Variants in HS6ST3 observed in about 807,000 individuals in gnomAD.
HS6ST3 encodes heparan-sulfate 6-O-sulfotransferase 3.
Under a neutral mutation model 36.7 loss-of-function variants are expected in HS6ST3, and 12 were observed. The ratio of observed to expected loss-of-function variants is 0.33; its 90% CI spans 0.21 to 0.53. HS6ST3 has a LOEUF of 0.53. Among genes scored for constraint, HS6ST3 ranks in the 20% least tolerant of loss-of-function variants. HS6ST3 has a pLI of 0.95. For missense variants in HS6ST3, 584 were observed against 640.9 expected, an observed-to-expected ratio of 0.91 and a Z score of 0.96; for synonymous variants, 240 against 257.5, an observed-to-expected ratio of 0.93 and a Z score of 0.65.
chr13:96,614,747 ATTTTC>A (rs1347044769), intron 1 of HS6ST3, among the ~76,000 whole-genome samples: 2 of 152,076 alleles, frequency 1.3e-5, no homozygotes, highest in African/African-American at 4.8e-5. Context: ...TTAAAAATAT[ATTTTC>A]TTTTAATTAT....
chr13:96,474,318 A>G (rs2055853090), intron 1 of HS6ST3, among the ~76,000 whole-genome samples: 1 of 152,164 alleles, frequency 6.6e-6, no homozygotes, highest in African/African-American at 2.4e-5. Flanking sequence ...GAAGCTTGGG[A>G]AAGGTGACGA....
At chr13:96,532,575 T>C (rs2056139924) in intron 1 of HS6ST3, among the ~76,000 whole-genome samples, 1 of 152,182 alleles carries the variant, frequency 6.6e-6, no homozygotes, top group African/African-American at 2.4e-5. Flanking sequence ...TGACCTGAAC[T>C]TCAGGAAGTA....
At chr13:96,807,407 G>T (rs575647314) in intron 1 of HS6ST3, among the ~76,000 whole-genome samples, 1 of 152,232 alleles carries the variant, frequency 6.6e-6, no homozygotes, top group African/African-American at 2.4e-5. Context: ...CCAGAGTAGG[G>T]TGTGCCCCCT....
chr13:96,613,847 G>A (rs1345711916), intron 1 of HS6ST3, among the ~76,000 whole-genome samples: 1 of 152,100 alleles, frequency 6.6e-6, no homozygotes, highest in Non-Finnish European at 1.5e-5. Context: ...ATTGCACTGT[G>A]GGAAATAGTC....
At chr13:96,182,667 T>C (rs914675028) in intron 1 of HS6ST3, among the ~76,000 whole-genome samples, 1 of 152,218 alleles carries the variant, frequency 6.6e-6, no homozygotes, top group Non-Finnish European at 1.5e-5. Flanking sequence ...TTCTTTGCAA[T>C]TGGCAGCAGA....
intron 1 of HS6ST3, among the ~76,000 whole-genome samples, chr13:96,482,213 T>C (rs1352822293): frequency 6.6e-6 from 1 of 152,182 alleles, no homozygotes; most frequent in East Asian, 1.9e-4. Context: ...TGATATTTAC[T>C]AGTTACCTAT....
intron 1 of HS6ST3, among the ~76,000 whole-genome samples, chr13:96,138,999 A>G (rs2054016289): frequency 6.6e-6 from 1 of 152,146 alleles, no homozygotes; most frequent in African/African-American, 2.4e-5. Context: ...AGAATACATT[A>G]TTTTATAATC....
chr13:96,698,301 T>A (rs528230949), intron 1 of HS6ST3, among the ~76,000 whole-genome samples: 56 of 152,296 alleles, frequency 3.7e-4, no homozygotes, highest in South Asian at 1.0e-3. Flanking sequence ...TGGTGTTTGT[T>A]TTTTTGTCCT....
chr13:96,469,895 C>G (rs905045835), intron 1 of HS6ST3, among the ~76,000 whole-genome samples: 1 of 152,130 alleles, frequency 6.6e-6, no homozygotes, highest in African/African-American at 2.4e-5. Flanking sequence ...GGTCATTTTA[C>G]AACAGATAGC....
chr13:96,735,587 A>G (rs953895478), intron 1 of HS6ST3, among the ~76,000 whole-genome samples: 3 of 152,174 alleles, frequency 2.0e-5, no homozygotes, highest in Non-Finnish European at 4.4e-5. Context: ...GAGACCCAAG[A>G]TCCTCATTCC....
intron 1 of HS6ST3, among the ~76,000 whole-genome samples, chr13:96,817,867 T>C (rs887069173): frequency 6.6e-6 from 1 of 152,222 alleles, no homozygotes; most frequent in African/African-American, 2.4e-5. Context: ...TGTGTTATTC[T>C]GTTGCTTAAG....
intron 1 of HS6ST3, among the ~76,000 whole-genome samples, chr13:96,771,896 C>T (rs530000315): frequency 2.0e-5 from 3 of 152,172 alleles, no homozygotes; most frequent in African/African-American, 4.8e-5. Context: ...ATTTCCTTAA[C>T]AAGGATGAGC....
chr13:96,378,280 T>C (rs1437342946), intron 1 of HS6ST3, among the ~76,000 whole-genome samples: 1 of 152,128 alleles, frequency 6.6e-6, no homozygotes, highest in Admixed American at 6.6e-5. Flanking sequence ...TGGTTTTAGA[T>C]TCATAGCAGT....
intron 1 of HS6ST3, among the ~76,000 whole-genome samples, chr13:96,433,935 G>GAAACAA (rs139752244): frequency 0.076 from 11,553 of 151,888 alleles, 591 homozygotes; most frequent in African/African-American, 0.13. Flanking sequence ...AACTCTGTCA[G>GAAACAA]AAACAAAAAC....
intron 1 of HS6ST3, among the ~76,000 whole-genome samples, chr13:96,799,608 A>G (rs1877993035): frequency 7.2e-6 from 1 of 138,178 alleles, no homozygotes; most frequent in Non-Finnish European, 1.6e-5. Context: ...AGGAAGGGGA[A>G]CATCACACAC....
chr13:96,812,344 T>G (rs966162450), intron 1 of HS6ST3, among the ~76,000 whole-genome samples: 6 of 152,204 alleles, frequency 3.9e-5, no homozygotes, highest in African/African-American at 7.2e-5. Flanking sequence ...TGAAGCCTTT[T>G]TTTCCTTTTT....
intron 1 of HS6ST3, among the ~76,000 whole-genome samples, chr13:96,664,065 A>G (rs943546981): frequency 2.0e-5 from 3 of 152,118 alleles, no homozygotes; most frequent in Non-Finnish European, 4.4e-5. Context: ...ATGGTTGCCA[A>G]CTCTATAAAT....
intron 1 of HS6ST3, among the ~76,000 whole-genome samples, chr13:96,129,829 T>G (rs763779954): frequency 6.6e-6 from 1 of 152,156 alleles, no homozygotes; most frequent in Non-Finnish European, 1.5e-5. Flanking sequence ...TAGAGGGAGA[T>G]GGGCCTGAAA....
intron 1 of HS6ST3, among the ~76,000 whole-genome samples, chr13:96,525,986 C>A (rs567467624): frequency 6.6e-6 from 1 of 152,232 alleles, no homozygotes; most frequent in East Asian, 1.9e-4. Context: ...TACAGACATG[C>A]ATTATTATAC....
Sources: allele counts gnomAD v4.1 joint callset (sites outside exome capture counted in the v4.1 genomes callset), GRCh38; gene constraint gnomAD v4.1.1; transcripts MANE v1.5; gene names NCBI Gene and HGNC (gene_info 2026-07-23, HGNC 2026-07-21).